Variants in COL25A1 observed in about 807,000 individuals in gnomAD.
The protein encoded by COL25A1 is collagen type XXV alpha 1 chain, also known as collagen alpha-1(XXV) chain.
A neutral mutation model predicts 128.4 loss-of-function variants in COL25A1; 103 were observed. That is an observed-to-expected ratio of 0.80 (90% confidence interval 0.68 to 0.94). COL25A1 has a LOEUF of 0.94. Ranked by LOEUF, COL25A1 falls within the 40% of genes least tolerant of loss-of-function variation. The pLI is 0.00. For synonymous variants in COL25A1, 279 were observed against 277.2 expected, an observed-to-expected ratio of 1.01 and a Z score of -0.06; for missense variants, 745 against 840.0, an observed-to-expected ratio of 0.89 and a Z score of 1.40.
chr4:109,185,840 C>A (rs1477937998), intron 3 of COL25A1, among the ~76,000 whole-genome samples: 1 of 152,160 alleles, frequency 6.6e-6, no homozygotes, highest in African/African-American at 2.4e-5. Flanking sequence ...CCAGAGCACA[C>A]AGCAAGAAGC....
chr4:108,914,108 C>T (rs1744587242), intron 13 of COL25A1, among the ~76,000 whole-genome samples: 1 of 151,908 alleles, frequency 6.6e-6, no homozygotes, highest in Admixed American at 6.6e-5. Flanking sequence ...TTAGATCTGC[C>T]CTAACTGCTT....
intron 3 of COL25A1, among the ~76,000 whole-genome samples, chr4:109,134,886 G>A (rs775713586): frequency 6.6e-6 from 1 of 152,082 alleles, no homozygotes; most frequent in East Asian, 1.9e-4. Flanking sequence ...TGGATAAAAT[G>A]CAAGTAAGGA....
At chr4:108,993,044 C>T (rs950172869) in intron 6 of COL25A1, among the ~76,000 whole-genome samples, 10 of 152,132 alleles carry the variant, frequency 6.6e-5, no homozygotes, top group African/African-American at 2.4e-4. Flanking sequence ...GGTGAGAACA[C>T]TTAACATCCA....
intron 3 of COL25A1, among the ~76,000 whole-genome samples, chr4:109,247,621 T>C (rs886813392): frequency 6.6e-6 from 1 of 152,008 alleles, no homozygotes; most frequent in African/African-American, 2.4e-5. Flanking sequence ...AAGTTAATAC[T>C]GAAAAAACAG....
intron 3 of COL25A1, among the ~76,000 whole-genome samples, chr4:109,098,817 A>C (rs1416435835): frequency 1.3e-5 from 2 of 152,244 alleles, no homozygotes; most frequent in Non-Finnish European, 2.9e-5. Context: ...ACCAATGTTA[A>C]CTGCAAACTT....
At chr4:108,842,819 G>A (rs944778787) in intron 30 of COL25A1, among the ~76,000 whole-genome samples, 1 of 152,036 alleles carries the variant, frequency 6.6e-6, no homozygotes, top group Non-Finnish European at 1.5e-5. Context: ...TATGCCATTT[G>A]CTTAATTCTT....
At chr4:109,145,617 T>A (rs1770864611) in intron 3 of COL25A1, among the ~76,000 whole-genome samples, 1 of 152,088 alleles carries the variant, frequency 6.6e-6, no homozygotes. Flanking sequence ...GGTGGGTGAA[T>A]CACCTGAGGT....
Position 108,983,301 on chromosome 4 carries a change from C to T in COL25A1, c.439-8742G>A, listed in dbSNP as rs2280676. ...AAGTATCAACTTGCTCTTTTAATGC[C>T]CTAGTAGCCCTGTGATTTTACAGCT... On this transcript the variant is annotated intron_variant, in intron 6 of 37. Transcript: ENST00000399132. 4.9e-3 allele frequency among the ~76,000 whole-genome samples: 741 copies of T among 152,130 alleles called. 16 individuals are homozygous for T. The East Asian group carries it at 0.067, about 14-fold the overall frequency.
intron 30 of COL25A1, among the ~76,000 whole-genome samples, chr4:108,842,885 C>A (rs897055396): frequency 6.6e-6 from 1 of 152,100 alleles, no homozygotes; most frequent in South Asian, 2.1e-4. Context: ...TGGCTCACAT[C>A]TGTAATCCTA....
rs764183417 is a variant in COL25A1 at position 108,817,372 on chromosome 4, T to A, written c.1962+25A>T. ...TAAGAGAAAGGGAGAGTGCTTCTTT[T>A]GAGAAATTATTCAGTAAAGCCTACC... On this transcript the variant is annotated intron_variant, in intron 37 of 37. Coordinates refer to ENST00000399132, the MANE Select transcript of COL25A1 (RefSeq NM_198721.4). 6.8e-6 allele frequency: 11 copies of A among 1,611,630 alleles called. No homozygotes were observed. The East Asian group carries it at 2.0e-4, about 29-fold the overall frequency.
At chr4:109,278,503 G>A (rs75539417) in intron 3 of COL25A1, among the ~76,000 whole-genome samples, 3,484 of 152,214 alleles carry the variant, frequency 0.023, 138 homozygotes, top group African/African-American at 0.078. Flanking sequence ...CTGAAGGTCC[G>A]TTGGCCAGCT....
rs777628577 is a variant in COL25A1, at chr4:108,899,113, G to A, written c.861+41C>T. The A allele has an allele frequency of 1.0e-5, 16 of 1,594,034 alleles. 2 individuals are homozygous for A. In the South Asian group the frequency reaches 1.5e-4, roughly 15 times the overall value. On this transcript the variant is annotated intron_variant, in intron 15 of 37. Coordinates refer to ENST00000399132, the MANE Select transcript of COL25A1 (RefSeq NM_198721.4). ...AGTACTTCTTTGGTATGCTGGTGGTGGGGAGTAGGGAGAGAGAAATACAGG... is the reference window on the plus strand; with the variant it reads ...AGTACTTCTTTGGTATGCTGGTGGTAGGGAGTAGGGAGAGAGAAATACAGG...
At chr4:109,283,389 G>C (rs961958622) in intron 3 of COL25A1, among the ~76,000 whole-genome samples, 1 of 152,016 alleles carries the variant, frequency 6.6e-6, no homozygotes, top group African/African-American at 2.4e-5. Flanking sequence ...TGGGACTACC[G>C]GCATGTGCCA....
intron 3 of COL25A1, among the ~76,000 whole-genome samples, chr4:109,128,137 G>A (rs980165890): frequency 3.3e-5 from 5 of 152,158 alleles, no homozygotes; most frequent in Non-Finnish European, 5.9e-5. Flanking sequence ...AAGGAAGTTA[G>A]AGTCAGGAGA....
At chr4:109,216,310 G>C (rs776680014) in intron 3 of COL25A1, among the ~76,000 whole-genome samples, 1 of 150,588 alleles carries the variant, frequency 6.6e-6, no homozygotes, top group Admixed American at 6.6e-5. Flanking sequence ...CGGAAGGAAG[G>C]AAAGACGGAA....
Position 108,852,073 on chromosome 4 carries a change from C to T in COL25A1, c.1389+163G>A, listed in dbSNP as rs561352427. On this transcript the variant is annotated intron_variant, in intron 26 of 37. Transcript: ENST00000399132. ...TTCTTCTTTTCTAATTTTCTATCTTCCTTCAGTCCAGACCTCAATTTCTTT... is the reference window on the plus strand; with the variant it reads ...TTCTTCTTTTCTAATTTTCTATCTTTCTTCAGTCCAGACCTCAATTTCTTT... 1.7e-4 allele frequency among the ~76,000 whole-genome samples: 26 copies of T among 152,048 alleles called. No individual in the cohort carries two copies. In the South Asian group the frequency reaches 5.4e-3, roughly 32 times the overall value.
intron 3 of COL25A1, among the ~76,000 whole-genome samples, chr4:109,281,596 A>G (rs1433535235): frequency 1.3e-5 from 2 of 152,176 alleles, no homozygotes; most frequent in African/African-American, 4.8e-5. Flanking sequence ...AGTCCCTTCT[A>G]GAAGGCACCT....
chr4:109,159,908 T>C (rs1772393743), intron 3 of COL25A1, among the ~76,000 whole-genome samples: 1 of 152,034 alleles, frequency 6.6e-6, no homozygotes, highest in Non-Finnish European at 1.5e-5. Flanking sequence ...CTACATATAA[T>C]ATAGAGGCAA....
intron 33 of COL25A1, among the ~76,000 whole-genome samples, chr4:108,826,476 T>C (rs1413407682): frequency 3.9e-5 from 6 of 152,184 alleles, no homozygotes; most frequent in Middle Eastern, 3.4e-3. Context: ...AGGTGGAGGT[T>C]GCAGTGAGCC....
Sources: allele counts gnomAD v4.1 joint callset (sites outside exome capture counted in the v4.1 genomes callset), GRCh38; gene constraint gnomAD v4.1.1; transcripts MANE v1.5; gene names NCBI Gene and HGNC (gene_info 2026-07-23, HGNC 2026-07-21).